The following PAPSS1 variants were observed in gnomAD, a reference collection of about 807,000 sequenced individuals.
The protein encoded by PAPSS1 is 3'-phosphoadenosine 5'-phosphosulfate synthase 1, also known as bifunctional 3'-phosphoadenosine 5'-phosphosulfate synthase 1.
A neutral mutation model predicts 72.0 loss-of-function variants in PAPSS1; 50 were observed. The observed-to-expected ratio is 0.69, with a 90% confidence interval of 0.55 to 0.88. PAPSS1 has a LOEUF of 0.88. Ranked by LOEUF, PAPSS1 falls within the 40% of genes least tolerant of loss-of-function variation. The probability of loss-of-function intolerance (pLI) is 0.00; values close to 1 mark genes in which losing one functional copy is unlikely to be tolerated. For missense variants in PAPSS1, 657 were observed against 782.2 expected (o/e 0.84, Z 1.91); for synonymous variants, 261 against 263.6 (o/e 0.99, Z 0.09).
chr4:107,668,292 A>C (rs1159777328), intron 5 of PAPSS1, among the ~76,000 whole-genome samples: 1 of 152,210 alleles, frequency 6.6e-6, no homozygotes, highest in Non-Finnish European at 1.5e-5. Context: ...ATTTCAATGT[A>C]AATTAGATGC....
chr4:107,647,402 C>T (rs1192794397), intron 9 of PAPSS1, among the ~76,000 whole-genome samples: 2 of 152,158 alleles, frequency 1.3e-5, no homozygotes, highest in African/African-American at 2.4e-5. Flanking sequence ...CCTGTTCCAT[C>T]AACAGTGAGG....
chr4:107,719,944 C>G (rs1424834956), intron 1 of PAPSS1, 176 bp downstream of exon 1: 3 of 1,385,814 alleles, frequency 2.2e-6, no homozygotes, highest in East Asian at 6.1e-5. Flanking sequence ...TGCGCCGCGC[C>G]CCTCTGCCTC....
At chr4:107,692,664 T>A (rs900721029) in intron 3 of PAPSS1, among the ~76,000 whole-genome samples, 1 of 152,136 alleles carries the variant, frequency 6.6e-6, no homozygotes, top group African/African-American at 2.4e-5. Context: ...TAAGTCACTC[T>A]ATTACAAAGA....
intron 11 of PAPSS1, among the ~76,000 whole-genome samples, chr4:107,618,848 G>A (rs1578377216): frequency 6.6e-6 from 1 of 152,076 alleles, no homozygotes; most frequent in Admixed American, 6.6e-5. Context: ...TAGTTATGGA[G>A]GGGGTCCAGA....
At chr4:107,617,948 GA>G in intron 11 of PAPSS1, among the ~76,000 whole-genome samples, 1 of 151,944 alleles carries the variant, frequency 6.6e-6, no homozygotes, top group Non-Finnish European at 1.5e-5. Flanking sequence ...GACTTAAGGG[GA>G]AAAAAACAAA....
At chr4:107,704,344 G>A (rs144029026) in intron 1 of PAPSS1, among the ~76,000 whole-genome samples, 53 of 152,148 alleles carry the variant, frequency 3.5e-4, no homozygotes, top group African/African-American at 9.6e-4. Context: ...TTTATTTCTC[G>A]TCTAAGTGCT....
intron 1 of PAPSS1, among the ~76,000 whole-genome samples, chr4:107,706,019 G>A (rs1387072863): frequency 1.3e-5 from 2 of 152,188 alleles, no homozygotes; most frequent in Non-Finnish European, 2.9e-5. Flanking sequence ...CTGCTGAAAA[G>A]TCTGCTGCTA....
intron 8 of PAPSS1, among the ~76,000 whole-genome samples, chr4:107,654,451 T>C (rs1726939613): frequency 6.6e-6 from 1 of 152,166 alleles, no homozygotes; most frequent in Non-Finnish European, 1.5e-5. Context: ...CCTGCATTCC[T>C]AGCATCAGCA....
At chr4:107,644,612 C>T (rs757484611) in intron 10 of PAPSS1, among the ~76,000 whole-genome samples, 190 bp downstream of exon 10, 23 of 152,200 alleles carry the variant, frequency 1.5e-4, no homozygotes, top group Non-Finnish European at 2.9e-4. Context: ...AACCTCTCCC[C>T]ACCTTTCCTT....
intron 11 of PAPSS1, among the ~76,000 whole-genome samples, chr4:107,622,675 T>C (rs1725996478): frequency 6.6e-6 from 1 of 152,244 alleles, no homozygotes; most frequent in East Asian, 1.9e-4. Context: ...ACACAAAATC[T>C]TTTATTAACT....
At chr4:107,651,430 C>T (rs578050293) in intron 9 of PAPSS1, among the ~76,000 whole-genome samples, 1 of 152,254 alleles carries the variant, frequency 6.6e-6, no homozygotes, top group African/African-American at 2.4e-5. Flanking sequence ...AAAATTAAGG[C>T]ACCTGTATTA....
intron 6 of PAPSS1, among the ~76,000 whole-genome samples, chr4:107,658,630 T>C (rs1312455644): frequency 6.6e-6 from 1 of 152,188 alleles, no homozygotes; most frequent in Non-Finnish European, 1.5e-5. Context: ...AAATGCAGCC[T>C]ACTATTTATT....
chr4:107,625,829 T>A (rs967457711), intron 11 of PAPSS1, among the ~76,000 whole-genome samples: 2 of 152,166 alleles, frequency 1.3e-5, no homozygotes, highest in African/African-American at 4.8e-5. Flanking sequence ...TGAAAAAGCC[T>A]TGAAGGATGC....
In PAPSS1 at chr4:107,682,058, A is replaced by G; in HGVS notation, c.626T>C (p.Val209Ala). The change falls in exon 5 of 12, where the codon GTA (valine) becomes GCA (alanine). Residue 209 changes from valine (V) to alanine (A), a missense_variant. This residue lies in a region of PAPSS1 where 28 missense variants were observed against 60.8 expected (regional missense o/e 0.46). Transcript: ENST00000265174. ...CACAACTTGCTGGACACAGTCATTT[A>G]CATCACAGGAGTCTGTTTTCAGCAC... ...ELVLKTDSCD[V>A]NDCVQQVVEL... The G allele has an allele frequency of 6.2e-7, 1 of 1,609,442 alleles. No individual in the cohort carries two copies. Among genetic ancestry groups the G allele is most frequent in the Non-Finnish European group, 8.5e-7 (1 of 1,176,420 alleles).
At chr4:107,653,699 T>G in intron 8 of PAPSS1, 73 bp from the exon 9 acceptor site, 1 of 1,282,822 alleles carries the variant, frequency 7.8e-7, no homozygotes, top group East Asian at 2.5e-5. Context: ...TCATATAAGC[T>G]AAATACAGTC....
At chr4:107,675,712 C>A (rs11097961) in intron 5 of PAPSS1, among the ~76,000 whole-genome samples, 56,693 of 151,946 alleles carry the variant, frequency 0.37, 11,172 homozygotes, top group South Asian at 0.55. Context: ...GCTACCAAAG[C>A]CTGGCAGAGA....
chr4:107,644,702 G>A, intron 10 of PAPSS1, 100 bp downstream of exon 10: 1 of 1,127,760 alleles, frequency 8.9e-7, no homozygotes, highest in South Asian at 1.6e-5. Flanking sequence ...GTTTGGAACA[G>A]GCCTACAGAG....
intron 3 of PAPSS1, among the ~76,000 whole-genome samples, chr4:107,688,988 C>A (rs1722853432): frequency 6.6e-6 from 1 of 152,176 alleles, no homozygotes; most frequent in Non-Finnish European, 1.5e-5. Context: ...TACATTAATT[C>A]AGTCACAAAG....
At chr4:107,653,113 GAATA>G (rs1373801347) in intron 9 of PAPSS1, among the ~76,000 whole-genome samples, 1 of 144,414 alleles carries the variant, frequency 6.9e-6, no homozygotes, top group African/African-American at 2.5e-5. Context: ...GAATATATAT[GAATA>G]TATACATGAA....
Sources: gnomAD v4.1 joint callset for allele counts (sites outside exome capture counted in the v4.1 genomes callset) on GRCh38, gnomAD v4.1.1 for gene constraint, gnomAD v4.1.1 regional missense constraint, MANE v1.5 for transcripts, NCBI Gene and HGNC (gene_info 2026-07-23, HGNC 2026-07-21) for gene names.